AFG2A: variants seen among roughly 807,000 people sequenced by gnomAD.
AFG2A encodes the protein ATPase family gene 2 protein homolog A.
chr4:123,293,781 C>T, the AFG2A span, among the ~76,000 whole-genome samples: 1 of 152,224 alleles, frequency 6.6e-6, no homozygotes, highest in Non-Finnish European at 1.5e-5. Context: ...TGCCTGAGTT[C>T]AGATGCCAGC....
chr4:123,076,531 T>A, the AFG2A span, among the ~76,000 whole-genome samples: 9,500 of 151,992 alleles, frequency 0.063, 527 homozygotes, highest in African/African-American at 0.14. Context: ...TTTATGTACA[T>A]TTAGATTGCC....
the AFG2A span, among the ~76,000 whole-genome samples, chr4:123,238,028 C>T: frequency 3.3e-5 from 5 of 152,208 alleles, no homozygotes; most frequent in Non-Finnish European, 7.3e-5. Flanking sequence ...GATTCTCTCC[C>T]GTGCCTGGCT....
the AFG2A span, among the ~76,000 whole-genome samples, chr4:123,194,062 C>T: frequency 1.2e-4 from 19 of 152,166 alleles, no homozygotes; most frequent in Non-Finnish European, 2.1e-4. Flanking sequence ...CTTTCCACTG[C>T]GTCCTAGGGT....
chr4:122,990,869 G>A, the AFG2A span, among the ~76,000 whole-genome samples: 15 of 152,298 alleles, frequency 9.8e-5, no homozygotes, highest in South Asian at 4.1e-4. Context: ...AATTGCCGGC[G>A]CAAGCCACCA....
the AFG2A span, among the ~76,000 whole-genome samples, chr4:123,239,280 T>G: frequency 1.3e-5 from 2 of 152,124 alleles, no homozygotes; most frequent in Admixed American, 1.3e-4. Context: ...CCAGGAGAAC[T>G]TCCCCAACAT....
the AFG2A span, among the ~76,000 whole-genome samples, chr4:122,950,340 A>AT: frequency 0.64 from 91,319 of 142,788 alleles, 29,696 homozygotes; most frequent in Non-Finnish European, 0.72. Context: ...GTCATTGTTA[A>AT]TTTTTTTTTT....
chr4:122,951,433 T>TACACACACAC, the AFG2A span, among the ~76,000 whole-genome samples: 368 of 148,584 alleles, frequency 2.5e-3, 1 homozygote, highest in East Asian at 0.013. Context: ...TTTTCCAAAG[T>TACACACACAC]ACACACACAC....
chr4:123,097,764 A>G, the AFG2A span, among the ~76,000 whole-genome samples: 4,127 of 152,238 alleles, frequency 0.027, 80 homozygotes, highest in Non-Finnish European at 0.035. Flanking sequence ...GGTTGTATGC[A>G]TATGTGGGTC....
chr4:123,233,778 T>A, the AFG2A span, among the ~76,000 whole-genome samples: 1 of 151,956 alleles, frequency 6.6e-6, no homozygotes, highest in Non-Finnish European at 1.5e-5. Flanking sequence ...TATGTATACA[T>A]ATATACCTCA....
chr4:123,099,109 T>C, the AFG2A span, among the ~76,000 whole-genome samples: 3 of 151,944 alleles, frequency 2.0e-5, no homozygotes, highest in Non-Finnish European at 2.9e-5. Flanking sequence ...TCTCTGATGA[T>C]TAGTGATGTT....
chr4:123,297,596 G>C, the AFG2A span, among the ~76,000 whole-genome samples: 1 of 152,054 alleles, frequency 6.6e-6, no homozygotes, highest in Non-Finnish European at 1.5e-5. Context: ...GCGGGCGCCT[G>C]TAGTCCCAGC....
chr4:123,019,478 C>G, the AFG2A span, among the ~76,000 whole-genome samples: 5 of 152,284 alleles, frequency 3.3e-5, no homozygotes, highest in African/African-American at 1.2e-4. Context: ...TAGGTATTGG[C>G]ATACAGATAA....
the AFG2A span, among the ~76,000 whole-genome samples, chr4:123,075,121 T>C: frequency 6.6e-6 from 1 of 151,838 alleles, no homozygotes; most frequent in African/African-American, 2.4e-5. Flanking sequence ...TTTTTGTATT[T>C]TTTCAGTAGA....
the AFG2A span, among the ~76,000 whole-genome samples, chr4:123,272,391 T>G: frequency 6.6e-6 from 1 of 152,220 alleles, no homozygotes; most frequent in Non-Finnish European, 1.5e-5. Context: ...CCCTTCATGC[T>G]CATTTGCTGT....
At chr4:123,125,950 A>G in the AFG2A span, among the ~76,000 whole-genome samples, 5 of 151,918 alleles carry the variant, frequency 3.3e-5, no homozygotes, top group African/African-American at 1.2e-4. Context: ...CCACCATTTC[A>G]TATTCATTCT....
chr4:122,927,790 A>T, the AFG2A span: 1 of 1,607,966 alleles, frequency 6.2e-7, no homozygotes, highest in Non-Finnish European at 8.5e-7. Flanking sequence ...TTAGTTTAGA[A>T]ATACAAACTG....
the AFG2A span, among the ~76,000 whole-genome samples, chr4:123,209,586 A>ATTTTTTTTT: frequency 3.4e-5 from 4 of 116,264 alleles, no homozygotes; most frequent in Non-Finnish European, 6.9e-5. Flanking sequence ...TGCATCAAGA[A>ATTTTTTTTT]TTTTTTTTTT....
At chr4:123,000,531 C>G in the AFG2A span, among the ~76,000 whole-genome samples, 4 of 151,016 alleles carry the variant, frequency 2.6e-5, no homozygotes, top group East Asian at 3.9e-4. Flanking sequence ...TGAATTTTGT[C>G]AAAGGCCTTT....
the AFG2A span, among the ~76,000 whole-genome samples, chr4:123,173,039 T>C: frequency 1.3e-5 from 2 of 152,156 alleles, no homozygotes; most frequent in African/African-American, 4.8e-5. Context: ...GTCAAAGATA[T>C]TGAAATGGTA....
Sources: allele counts gnomAD v4.1 joint callset (sites outside exome capture counted in the v4.1 genomes callset), GRCh38; gene constraint gnomAD v4.1.1; transcripts MANE v1.5; gene names NCBI Gene and HGNC (gene_info 2026-07-23, HGNC 2026-07-21).